Variants in CPEB3 observed in about 807,000 individuals in gnomAD.
The protein encoded by CPEB3 is cytoplasmic polyadenylation element-binding protein 3.
In CPEB3, 20 loss-of-function variants were observed where a neutral mutation model predicts 67.2. The observed-to-expected ratio is 0.30, with a 90% confidence interval of 0.21 to 0.43. The LOEUF (loss-of-function observed/expected upper bound fraction) is 0.43, where lower values mean the gene tolerates loss of function less well. Ranked by LOEUF, CPEB3 falls within the 20% of genes least tolerant of loss-of-function variation. The pLI, the probability that CPEB3 is intolerant of heterozygous loss-of-function variation, is 1.00. For synonymous variants in CPEB3, 376 were observed against 393.1 expected (o/e 0.96, Z 0.51); for missense variants, 746 against 968.6 (o/e 0.77, Z 3.05).
intron 7 of CPEB3, among the ~76,000 whole-genome samples, chr10:92,094,137 G>A (rs1260413475): frequency 1.3e-5 from 2 of 152,024 alleles, no homozygotes; most frequent in African/African-American, 4.8e-5. Context: ...TTACGGGAGC[G>A]AGCCACTGTG....
At chr10:92,067,086 AT>A (rs1320590017) in intron 9 of CPEB3, among the ~76,000 whole-genome samples, 5 of 150,956 alleles carry the variant, frequency 3.3e-5, no homozygotes, top group South Asian at 2.1e-4. Context: ...AAATAAATTT[AT>A]TTTTTTATAA....
chr10:92,252,175 A>G (rs555810411), intron 1 of CPEB3, among the ~76,000 whole-genome samples: 29 of 152,274 alleles, frequency 1.9e-4, no homozygotes, highest in African/African-American at 7.0e-4. Context: ...ACCAAAAAGC[A>G]TATGAAAAGG....
chr10:92,098,497 C>A (rs958652828), intron 7 of CPEB3, among the ~76,000 whole-genome samples: 1 of 151,926 alleles, frequency 6.6e-6, no homozygotes, highest in Non-Finnish European at 1.5e-5. Context: ...TTAGTAGAGA[C>A]GGGGTTTCTC....
At chr10:92,114,321 T>A (rs1037881702) in intron 6 of CPEB3, among the ~76,000 whole-genome samples, 1 of 152,224 alleles carries the variant, frequency 6.6e-6, no homozygotes, top group African/African-American at 2.4e-5. Context: ...TCAGGAAGAA[T>A]CTTTCGAACA....
rs910335969 is a variant in CPEB3 at position 92,052,141 on chromosome 10, C to A, written c.*71G>T. On this transcript the variant is annotated 3_prime_UTR_variant, in exon 10 of 10. Coordinates refer to ENST00000265997, the MANE Select transcript of CPEB3 (RefSeq NM_014912.5). ...CACAGATTTCCAGAACACTGTAAGC[C>A]CTGAGGCAGTGCCCTCTCTTTTCCC... 5.0e-6 allele frequency: 5 copies of A among 1,003,570 alleles called. No individual in the cohort carries two copies. Among genetic ancestry groups the A allele is most frequent in the African/African-American group, 4.7e-5 (3 of 63,290 alleles). The allele number at this position is 1,003,570 out of a possible 1,614,324, so 62.2% of individuals were successfully genotyped here.
At chr10:92,156,967 T>C (rs1367854658) in intron 4 of CPEB3, among the ~76,000 whole-genome samples, 1 of 152,212 alleles carries the variant, frequency 6.6e-6, no homozygotes, top group Non-Finnish European at 1.5e-5. Context: ...ACTACGAATT[T>C]AGCATCATTA....
At position 92,222,093 on chromosome 10, in the gene CPEB3, C is replaced by T. The variant is rs867356697; in HGVS notation, c.1005+17253G>A. Among the ~76,000 whole-genome samples, 3 of 152,028 alleles carry T rather than the reference C, an allele frequency of 2.0e-5. No individual in the cohort carries two copies. In the South Asian group the frequency reaches 6.2e-4, roughly 32 times the overall value. On this transcript the variant is annotated intron_variant, in intron 2 of 9. Coordinates refer to ENST00000265997, the MANE Select transcript of CPEB3 (RefSeq NM_014912.5). ...TTTTATCTTCCCTATAAAAAATATC[C>T]ACAGCACATTCAACAGCCGTGACCA...
intron 9 of CPEB3, among the ~76,000 whole-genome samples, chr10:92,064,252 T>C (rs563312612): frequency 6.6e-6 from 1 of 152,314 alleles, no homozygotes; most frequent in African/African-American, 2.4e-5. Flanking sequence ...TGAGCACCTC[T>C]GTGCTTAAGA....
chr10:92,128,737 G>GA (rs1430681840), intron 6 of CPEB3, among the ~76,000 whole-genome samples: 1 of 152,024 alleles, frequency 6.6e-6, no homozygotes, highest in Non-Finnish European at 1.5e-5. Flanking sequence ...CAACAAACAT[G>GA]AAAAAAAGCT....
chr10:92,256,429 T>C (rs1852517380), intron 1 of CPEB3, among the ~76,000 whole-genome samples: 1 of 151,856 alleles, frequency 6.6e-6, no homozygotes, highest in South Asian at 2.1e-4. Context: ...CTCACTCTGT[T>C]GCCCAGCTAG....
intron 3 of CPEB3, among the ~76,000 whole-genome samples, chr10:92,181,418 A>G (rs1376196527): frequency 6.6e-6 from 1 of 151,646 alleles, no homozygotes; most frequent in Non-Finnish European, 1.5e-5. Context: ...ATAAATTTGA[A>G]GCTTAGAGAG....
At chr10:92,148,338 A>G (rs1846790641) in intron 4 of CPEB3, among the ~76,000 whole-genome samples, 2 of 152,030 alleles carry the variant, frequency 1.3e-5, no homozygotes, top group African/African-American at 4.8e-5. Context: ...TGTTCCCTCT[A>G]CCTAAAACAA....
intron 6 of CPEB3, chr10:92,137,297 T>G (rs1846147390): frequency 1.5e-6 from 1 of 670,002 alleles, no homozygotes; most frequent in African/African-American, 1.8e-5. Flanking sequence ...AAACTACAGA[T>G]GGAAGTTCCC....
At position 92,050,994 on chromosome 10, in the gene CPEB3, CAGTT is replaced by C. The variant is rs1299787428; in HGVS notation, c.*1214_*1217del. The C allele has an allele frequency of 5.2e-5, 8 of 152,638 alleles. No individual in the cohort carries two copies. The highest frequency in any genetic ancestry group is 2.1e-4 in the South Asian group (1 of 4,832). The allele number at this position is 152,638 out of a possible 1,614,324, so 9.5% of individuals were successfully genotyped here. ...GGCTTTAAACAGTTAAGTTTGATCA[CAGTT>C]AGACATAATCACTTTACTATATAAA... On this transcript the variant is annotated 3_prime_UTR_variant, in exon 10 of 10. Coordinates refer to ENST00000265997, the MANE Select transcript of CPEB3 (RefSeq NM_014912.5).
chr10:92,057,692 T>C (rs1050615561), intron 9 of CPEB3, among the ~76,000 whole-genome samples: 1 of 152,120 alleles, frequency 6.6e-6, no homozygotes, highest in Admixed American at 6.6e-5. Context: ...ACAGTCAGAG[T>C]GGTGGTGGCC....
chr10:92,165,345 TTA>T (rs1446451913), intron 4 of CPEB3, among the ~76,000 whole-genome samples: 1 of 151,726 alleles, frequency 6.6e-6, no homozygotes, highest in Non-Finnish European at 1.5e-5. Flanking sequence ...AAACAATACT[TTA>T]TTGCTAAAAA....
intron 7 of CPEB3, among the ~76,000 whole-genome samples, chr10:92,100,993 T>A (rs1844159971): frequency 6.6e-6 from 1 of 152,188 alleles, no homozygotes; most frequent in South Asian, 2.1e-4. Flanking sequence ...ATTTAGATAT[T>A]CATCTACCTA....
intron 5 of CPEB3, 115 bp downstream of exon 5, chr10:92,144,830 C>G (rs988887716): frequency 1.2e-6 from 1 of 838,012 alleles, no homozygotes; most frequent in Non-Finnish European, 1.9e-6. Context: ...AATAGTCTCA[C>G]CTCCTATGCA....
rs371911549 is a variant in CPEB3 at position 92,195,046 on chromosome 10, AACAC to A, written c.1006-2414_1006-2411del. Among the ~76,000 whole-genome samples the A allele has an allele frequency of 6.8e-3, 793 of 117,126 alleles. 5 individuals are homozygous for A. Among genetic ancestry groups the A allele is most frequent in the Middle Eastern group, 0.01 (2 of 200 alleles). 76.8% of individuals were successfully genotyped at this position (117,126 alleles called of 152,430 possible). A position where few individuals can be genotyped will look rare whatever the true frequency, so the allele number is the denominator to read the frequency against. On this transcript the variant is annotated intron_variant, in intron 2 of 9. Coordinates refer to ENST00000265997, the MANE Select transcript of CPEB3 (RefSeq NM_014912.5). ...GCGACAGAGCGAGACTGTCTCAAAA[AACAC>A]ACACACACACACACACACACACACA...
Sources: allele counts gnomAD v4.1 joint callset (sites outside exome capture counted in the v4.1 genomes callset), GRCh38; gene constraint gnomAD v4.1.1; transcripts MANE v1.5; gene names NCBI Gene and HGNC (gene_info 2026-07-23, HGNC 2026-07-21).